Variants in PRDM5 observed in about 807,000 individuals in gnomAD.
PRDM5 encodes the protein PR/SET domain 5.
In PRDM5, 56 loss-of-function variants were observed where a neutral mutation model predicts 81.2. The observed-to-expected ratio is 0.69, with a 90% confidence interval of 0.56 to 0.86. The LOEUF (loss-of-function observed/expected upper bound fraction) is 0.86, where lower values mean the gene tolerates loss of function less well. Ranked by LOEUF, PRDM5 falls within the 40% of genes least tolerant of loss-of-function variation. PRDM5 has a pLI of 0.00. For synonymous variants in PRDM5, 267 were observed against 256.4 expected, an observed-to-expected ratio of 1.04 and a Z score of -0.39; for missense variants, 697 against 770.1, an observed-to-expected ratio of 0.91 and a Z score of 1.12.
At chr4:120,790,565 T>C (rs140209417) in intron 10 of PRDM5, among the ~76,000 whole-genome samples, 10 of 152,306 alleles carry the variant, frequency 6.6e-5, no homozygotes, top group East Asian at 5.8e-4. Context: ...GTACCATCTA[T>C]ACAGAAATAC....
rs772145941 is a variant in PRDM5 at position 120,922,614 on chromosome 4, C to T, written c.-6G>A. ...GGCACGTACATGCCCAGCATTTTCC[C>T]GGGCGCGGCGGCCGCCGCCTCTCTC... On this transcript the variant is annotated 5_prime_UTR_variant, in exon 1 of 16. Coordinates refer to ENST00000264808, the MANE Select transcript of PRDM5 (RefSeq NM_018699.4). The T allele has an allele frequency of 3.2e-6, 5 of 1,583,206 alleles. No homozygotes were observed. The highest frequency in any genetic ancestry group is 2.3e-5 in the East Asian group (1 of 43,122).
chr4:120,892,143 T>C (rs1339344113), intron 2 of PRDM5, among the ~76,000 whole-genome samples: 2 of 152,216 alleles, frequency 1.3e-5, no homozygotes, highest in Admixed American at 6.5e-5. Context: ...TGTATTAATT[T>C]CTACTTGCAT....
intron 13 of PRDM5, among the ~76,000 whole-genome samples, chr4:120,772,584 C>A (rs1478827727): frequency 4.6e-5 from 7 of 152,276 alleles, no homozygotes; most frequent in Admixed American, 1.3e-4. Flanking sequence ...TAGTTGGAAG[C>A]AATACCAGTC....
rs183340466 is a variant in PRDM5 at position 120,783,667 on chromosome 4, C to T, written c.1282+1331G>A. Among the ~76,000 whole-genome samples, 621 of 152,130 alleles carry T rather than the reference C, an allele frequency of 4.1e-3. 3 individuals carry two copies. The highest frequency in any genetic ancestry group is 5.2e-3 in the Non-Finnish European group (352 of 67,968). ...CTGGTAATGAACTATAATAGAAATT[C>T]CTGCAATTGCACAACAAATTTTATT... is the stretch of plus-strand genomic sequence containing the variant. On this transcript the variant is annotated intron_variant, in intron 11 of 15. Coordinates refer to ENST00000264808, the MANE Select transcript of PRDM5 (RefSeq NM_018699.4).
intron 1 of PRDM5, among the ~76,000 whole-genome samples, chr4:120,922,271 C>A (rs1227456158): frequency 6.6e-6 from 1 of 152,110 alleles, no homozygotes; most frequent in Non-Finnish European, 1.5e-5. Context: ...GCCCCTGGAC[C>A]GGCCGGCAGC....
At chr4:120,775,594 G>A (rs1296729741) in intron 13 of PRDM5, among the ~76,000 whole-genome samples, 1 of 152,108 alleles carries the variant, frequency 6.6e-6, no homozygotes, top group African/African-American at 2.4e-5. Flanking sequence ...ATTACATCAT[G>A]TCTTGGGGCA....
intron 3 of PRDM5, among the ~76,000 whole-genome samples, chr4:120,847,131 T>G (rs1291773585): frequency 6.6e-6 from 1 of 152,150 alleles, no homozygotes; most frequent in East Asian, 1.9e-4. Context: ...TGATCACTGC[T>G]GTAGCTTGAA....
chr4:120,798,532 T>C, intron 9 of PRDM5, 108 bp from the exon 10 acceptor site: 3 of 1,002,552 alleles, frequency 3.0e-6, no homozygotes, highest in Non-Finnish European at 4.4e-6. Context: ...AACTAAAGGA[T>C]GGTCAAACAA....
intron 15 of PRDM5, among the ~76,000 whole-genome samples, chr4:120,699,168 ATATATATATATATAT>A (rs1734961758): frequency 6.9e-5 from 2 of 29,180 alleles, no homozygotes; most frequent in East Asian, 2.8e-3. Context: ...ATAAATATAT[ATATATATATATATAT>A]ATATATATAT....
intron 10 of PRDM5, among the ~76,000 whole-genome samples, chr4:120,789,193 T>C (rs910551604): frequency 6.6e-5 from 10 of 152,206 alleles, no homozygotes; most frequent in African/African-American, 2.2e-4. Flanking sequence ...TATCTTTTTA[T>C]ATACCAACTC....
At chr4:120,743,391 C>A (rs1480288822) in intron 14 of PRDM5, among the ~76,000 whole-genome samples, 2 of 149,356 alleles carry the variant, frequency 1.3e-5, no homozygotes, top group Non-Finnish European at 3.0e-5. Flanking sequence ...AAATAACCAG[C>A]TAACATCATA....
intron 2 of PRDM5, among the ~76,000 whole-genome samples, chr4:120,883,670 G>A (rs1368759248): frequency 2.6e-5 from 4 of 151,908 alleles, no homozygotes; most frequent in African/African-American, 4.8e-5. Context: ...AAGATGGCAC[G>A]TGTATACATG....
At chr4:120,874,977 A>C (rs1181413758) in intron 2 of PRDM5, among the ~76,000 whole-genome samples, 1 of 152,182 alleles carries the variant, frequency 6.6e-6, no homozygotes, top group Non-Finnish European at 1.5e-5. Context: ...CAGCTGCATA[A>C]TCACCTGGCC....
At chr4:120,853,639 C>T (rs529999676) in intron 2 of PRDM5, 99 bp from the exon 3 acceptor site, 1 of 1,463,780 alleles carries the variant, frequency 6.8e-7, no homozygotes, top group South Asian at 1.1e-5. Flanking sequence ...AAGTATATAC[C>T]TTTTTTATTG....
chr4:120,684,341 T>G (rs559934095), downstream of PRDM5, among the ~76,000 whole-genome samples: 37 of 146,454 alleles, frequency 2.5e-4, no homozygotes, highest in South Asian at 5.7e-3. Context: ...AGATAAGCAC[T>G]TCCTTGTCAG....
At chr4:120,709,015 TG>T (rs1206379400) in intron 15 of PRDM5, among the ~76,000 whole-genome samples, 4 of 151,542 alleles carry the variant, frequency 2.6e-5, no homozygotes, top group African/African-American at 9.7e-5. Flanking sequence ...TAGAAATAAA[TG>T]GGACGGAAGC....
chr4:120,774,902 ATATATG>A (rs774292900), intron 13 of PRDM5, among the ~76,000 whole-genome samples: 1 of 146,052 alleles, frequency 6.8e-6, no homozygotes, highest in African/African-American at 2.5e-5. Flanking sequence ...ATATATATAT[ATATATG>A]TATATGTATA....
rs1393505279 is a variant in PRDM5, at chr4:120,818,349, G to T, written c.650+4C>A. 3.7e-6 allele frequency: 6 copies of T among 1,611,552 alleles called. No individual in the cohort carries two copies. Among genetic ancestry groups the T allele is most frequent in the Non-Finnish European group, 5.1e-6 (6 of 1,177,960 alleles). Reference sequence around the variant, plus strand: ...TTTTAAAGATATTTCTTTAATATACGCACTGTCTTTGCAAAGCCTGCTTAA... The same window carrying T: ...TTTTAAAGATATTTCTTTAATATACTCACTGTCTTTGCAAAGCCTGCTTAA... On this transcript the variant is annotated splice_donor_region_variant and intron_variant, in intron 5 of 15. Transcript: ENST00000264808.
intron 3 of PRDM5, among the ~76,000 whole-genome samples, chr4:120,849,070 T>C (rs1021029825): frequency 6.6e-6 from 1 of 152,180 alleles, no homozygotes; most frequent in Non-Finnish European, 1.5e-5. Context: ...AAAGCCATCA[T>C]TTTGCACATA....
Sources: gnomAD v4.1 joint callset for allele counts (sites outside exome capture counted in the v4.1 genomes callset) on GRCh38, gnomAD v4.1.1 for gene constraint, MANE v1.5 for transcripts, NCBI Gene and HGNC (gene_info 2026-07-23, HGNC 2026-07-21) for gene names.